Variants in MAGI3 observed in about 807,000 individuals in gnomAD.
The protein encoded by MAGI3 is membrane-associated guanylate kinase, WW and PDZ domain-containing protein 3.
Under a neutral mutation model 121.8 loss-of-function variants are expected in MAGI3, and 43 were observed. The ratio of observed to expected loss-of-function variants is 0.35; its 90% CI spans 0.28 to 0.46. The LOEUF is 0.46. Ranked by LOEUF, MAGI3 falls within the 20% of genes least tolerant of loss-of-function variation. MAGI3 has a pLI of 1.00. For synonymous variants in MAGI3, 553 were observed against 639.3 expected (o/e 0.86, Z 2.04); for missense variants, 1,547 against 1,797.3 (o/e 0.86, Z 2.52).
intron 5 of MAGI3, among the ~76,000 whole-genome samples, chr1:113,593,582 A>G (rs1214596728): frequency 3.3e-5 from 5 of 152,038 alleles, no homozygotes; most frequent in African/African-American, 1.2e-4. Context: ...TTTAATTTAC[A>G]TTTTATTCCC....
At chr1:113,413,322 G>A (rs1283105993) in intron 1 of MAGI3, among the ~76,000 whole-genome samples, 1 of 152,126 alleles carries the variant, frequency 6.6e-6, no homozygotes, top group African/African-American at 2.4e-5. Flanking sequence ...GATGCCTCCA[G>A]CTTTGTTCTT....
At chr1:113,652,036 A>G (rs963679983) in intron 14 of MAGI3, among the ~76,000 whole-genome samples, 64 of 152,306 alleles carry the variant, frequency 4.2e-4, no homozygotes, top group Admixed American at 1.8e-3. Context: ...ATCTAGTTCT[A>G]TGATTACTCA....
chr1:113,469,851 C>T (rs914048331), intron 1 of MAGI3, among the ~76,000 whole-genome samples: 1 of 152,014 alleles, frequency 6.6e-6, no homozygotes, highest in Non-Finnish European at 1.5e-5. Flanking sequence ...ATTGTAAATC[C>T]AGTATGTTAT....
chr1:113,571,382 T>C (rs1647283889), intron 2 of MAGI3, among the ~76,000 whole-genome samples: 1 of 152,212 alleles, frequency 6.6e-6, no homozygotes, highest in South Asian at 2.1e-4. Context: ...ATGAGGTCTT[T>C]TTGTTTCCAT....
At position 113,391,493 on chromosome 1, in the gene MAGI3, G is replaced by A; in HGVS notation, c.316+144G>A. 4.2e-6 allele frequency: 4 copies of A among 962,494 alleles called. No homozygotes were observed. Among genetic ancestry groups the A allele is most frequent in the Non-Finnish European group, 6.0e-6 (4 of 664,378 alleles). 59.6% of individuals were successfully genotyped at this position (962,494 alleles called of 1,614,324 possible). Reference sequence around the variant, plus strand: ...GGTGTGCCAGACTCCTTGACGAGGGGGAGGGGTGGCGTTGGTGAGTCCCAT... The same window carrying A: ...GGTGTGCCAGACTCCTTGACGAGGGAGAGGGGTGGCGTTGGTGAGTCCCAT... On this transcript the variant is annotated intron_variant, in intron 1 of 20. Coordinates refer to ENST00000307546, the MANE Select transcript of MAGI3 (RefSeq NM_001142782.2). The surrounding 1 kb of genome is among the most constrained non-coding windows in gnomAD (Gnocchi z 4.4).
intron 2 of MAGI3, among the ~76,000 whole-genome samples, chr1:113,571,887 C>A (rs1375237093): frequency 6.6e-6 from 1 of 152,198 alleles, no homozygotes; most frequent in Non-Finnish European, 1.5e-5. Context: ...CCCTTTATTT[C>A]TTTCTCTTGC....
intron 16 of MAGI3, among the ~76,000 whole-genome samples, chr1:113,665,852 A>G (rs1436316162): frequency 1.3e-5 from 2 of 152,144 alleles, no homozygotes; most frequent in Admixed American, 6.5e-5. Context: ...TAAGTGTATT[A>G]TTATAGGCAT....
intron 1 of MAGI3, among the ~76,000 whole-genome samples, chr1:113,430,159 C>CT (rs1653229391): frequency 6.6e-6 from 1 of 152,070 alleles, no homozygotes; most frequent in Non-Finnish European, 1.5e-5. Flanking sequence ...AAATACATTT[C>CT]TTTTTTTCTT....
chr1:113,406,465 G>GA lies in MAGI3; in HGVS notation c.316+15125dup, dbSNP rs915815883. Among the ~76,000 whole-genome samples the GA allele has an allele frequency of 5.7e-4, 79 of 138,282 alleles. No individual in the cohort carries two copies. In the East Asian group the frequency reaches 0.014, roughly 25 times the overall value. 90.7% of individuals were successfully genotyped at this position (138,282 alleles called of 152,430 possible). ...CCTATCTCTAAGAAAAAAAAAAAAG[G>GA]AAAAAAAAACTGGTTCAAATTGGAT... On this transcript the variant is annotated intron_variant, in intron 1 of 20. Coordinates refer to ENST00000307546, the MANE Select transcript of MAGI3 (RefSeq NM_001142782.2).
At chr1:113,618,184 T>TC (rs1650593596) in intron 7 of MAGI3, among the ~76,000 whole-genome samples, 1 of 151,960 alleles carries the variant, frequency 6.6e-6, no homozygotes, top group African/African-American at 2.4e-5. Flanking sequence ...AAAATTTTTT[T>TC]TAATTAGCTG....
chr1:113,633,557 A>AG (rs1651803561), intron 9 of MAGI3, among the ~76,000 whole-genome samples: 1 of 150,038 alleles, frequency 6.7e-6, no homozygotes, highest in South Asian at 2.1e-4. Context: ...CACCGCGCCC[A>AG]GCCGAACTCA....
At chr1:113,626,408 A>T (rs1009586917) in intron 9 of MAGI3, among the ~76,000 whole-genome samples, 15 of 152,210 alleles carry the variant, frequency 9.9e-5, no homozygotes, top group African/African-American at 3.6e-4. Context: ...TATCAGAAAT[A>T]CTGGCCTGTA....
chr1:113,403,926 A>G (rs552504541), intron 1 of MAGI3: 1 of 152,310 alleles, frequency 6.6e-6, no homozygotes, highest in Non-Finnish European at 1.5e-5. Context: ...CCAGGCACTC[A>G]TCTTCTTAAA....
rs554071868 is a variant in MAGI3 at position 113,663,016 on chromosome 1, G to A, written c.2815+3751G>A. Among the ~76,000 whole-genome samples, 17 of 152,066 alleles carry A rather than the reference G, an allele frequency of 1.1e-4. No individual in the cohort carries two copies. The East Asian group carries it at 2.1e-3, about 19-fold the overall frequency. On this transcript the variant is annotated intron_variant, in intron 16 of 20. Transcript: ENST00000307546. ...CAAGGCAGGCGGATCAACTGAGGTC[G>A]GGAGTTCAAGACCAACCTGACCAAC...
At chr1:113,468,644 C>A (rs1655403757) in intron 1 of MAGI3, among the ~76,000 whole-genome samples, 1 of 152,044 alleles carries the variant, frequency 6.6e-6, no homozygotes, top group Non-Finnish European at 1.5e-5. Context: ...GTGTAAAACA[C>A]ATGCTGAATT....
At chr1:113,455,953 C>G (rs913711963) in intron 1 of MAGI3, among the ~76,000 whole-genome samples, 1 of 151,236 alleles carries the variant, frequency 6.6e-6, no homozygotes, top group Non-Finnish European at 1.5e-5. Context: ...TCTTTTTTCT[C>G]TCTCTTTTTT....
chr1:113,625,962 T>TTTTTG (rs886366300), intron 9 of MAGI3, among the ~76,000 whole-genome samples: 1 of 152,040 alleles, frequency 6.6e-6, no homozygotes, highest in Non-Finnish European at 1.5e-5. Context: ...AGTTTTTTTG[T>TTTTTG]TTTTGTTTTG....
chr1:113,394,516 T>A (rs1331639457), intron 1 of MAGI3, among the ~76,000 whole-genome samples: 1 of 152,240 alleles, frequency 6.6e-6, no homozygotes, highest in Non-Finnish European at 1.5e-5. Flanking sequence ...CTACTATGAC[T>A]AGGTTTAGTT....
chr1:113,601,014 C>T (rs1437470185), intron 6 of MAGI3, among the ~76,000 whole-genome samples: 1 of 152,066 alleles, frequency 6.6e-6, no homozygotes, highest in Non-Finnish European at 1.5e-5. Flanking sequence ...ACTGGCTAGC[C>T]ATATGTAGAA....
Sources: allele counts gnomAD v4.1 joint callset (sites outside exome capture counted in the v4.1 genomes callset), GRCh38; gene constraint gnomAD v4.1.1; non-coding constraint Gnocchi (gnomAD v3.1); transcripts MANE v1.5; gene names NCBI Gene and HGNC (gene_info 2026-07-23, HGNC 2026-07-21).